GARIN2: variants seen among roughly 807,000 people sequenced by gnomAD.
GARIN2 encodes the protein golgi associated RAB2 interactor family member 2, also known as Golgi-associated RAB2 interactor protein 2.
chr14:67,201,559 C>A, the GARIN2 span: 712 of 455,466 alleles, frequency 1.6e-3, 15 homozygotes, highest in East Asian at 0.017. Flanking sequence ...TTGGAGGATA[C>A]CTCCTGTATG....
the GARIN2 span, among the ~76,000 whole-genome samples, chr14:67,209,177 G>T: frequency 1.3e-5 from 2 of 152,278 alleles, no homozygotes; most frequent in African/African-American, 4.8e-5. Context: ...TATGCACTAG[G>T]CATTGGGGAT....
chr14:67,212,777 G>A, the GARIN2 span, among the ~76,000 whole-genome samples: 1 of 151,680 alleles, frequency 6.6e-6, no homozygotes, highest in Admixed American at 6.6e-5. Flanking sequence ...TATAGGCCAA[G>A]GGAAACAAAG....
the GARIN2 span, among the ~76,000 whole-genome samples, chr14:67,213,716 T>G: frequency 6.6e-6 from 1 of 152,150 alleles, no homozygotes; most frequent in Non-Finnish European, 1.5e-5. Context: ...TATTTCTAGT[T>G]CTAGATCCCT....
At chr14:67,193,371 A>C in the GARIN2 span, among the ~76,000 whole-genome samples, 1 of 132,734 alleles carries the variant, frequency 7.5e-6, no homozygotes, top group African/African-American at 2.6e-5. Flanking sequence ...TAATCTATCT[A>C]TATATCTAGA....
the GARIN2 span, chr14:67,204,787 G>T: frequency 6.2e-7 from 1 of 1,613,946 alleles, no homozygotes; most frequent in Non-Finnish European, 8.5e-7. Flanking sequence ...AGGCTCCATG[G>T]ATGTGACGGA....
chr14:67,189,703 T>G, the GARIN2 span: 6 of 152,320 alleles, frequency 3.9e-5, no homozygotes, highest in African/African-American at 1.4e-4. Context: ...TCTAGTTTCA[T>G]TTCTTCTACC....
At chr14:67,225,593 T>A in the GARIN2 span, among the ~76,000 whole-genome samples, 7,103 of 152,266 alleles carry the variant, frequency 0.047, 185 homozygotes, top group Non-Finnish European at 0.054. Context: ...GCTTTTTAGA[T>A]CAGCCAATAC....
chr14:67,199,294 ACT>A, the GARIN2 span: 6 of 1,605,844 alleles, frequency 3.7e-6, no homozygotes, highest in Non-Finnish European at 5.1e-6. Flanking sequence ...ACATGATCAG[ACT>A]CTATGGGAAG....
At chr14:67,211,076 G>A in the GARIN2 span, among the ~76,000 whole-genome samples, 1 of 152,100 alleles carries the variant, frequency 6.6e-6, no homozygotes, top group Non-Finnish European at 1.5e-5. Flanking sequence ...TATCTCATTA[G>A]CTCTATGATC....
At chr14:67,199,559 C>A in the GARIN2 span, 14 of 1,601,020 alleles carry the variant, frequency 8.7e-6, no homozygotes, top group Non-Finnish European at 1.1e-5. Flanking sequence ...TGGGCAGTAC[C>A]TCTGTAACCA....
chr14:67,204,391 A>T, the GARIN2 span: 2 of 1,153,800 alleles, frequency 1.7e-6, no homozygotes, highest in Non-Finnish European at 2.3e-6. Context: ...GTGAGCCATG[A>T]TCGCATCACC....
the GARIN2 span, chr14:67,225,120 C>A: frequency 6.4e-7 from 1 of 1,559,856 alleles, no homozygotes; most frequent in South Asian, 1.2e-5. Context: ...CCCTCTAGTT[C>A]TCTCCCCTCA....
chr14:67,214,810 C>T, the GARIN2 span, among the ~76,000 whole-genome samples: 1 of 152,088 alleles, frequency 6.6e-6, no homozygotes, highest in African/African-American at 2.4e-5. Flanking sequence ...ATGGAATGTT[C>T]TTCCATTTAT....
the GARIN2 span, among the ~76,000 whole-genome samples, chr14:67,211,427 G>A: frequency 6.6e-6 from 1 of 152,062 alleles, no homozygotes; most frequent in South Asian, 2.1e-4. Context: ...TGAACCTAGA[G>A]GAGAACTGGG....
the GARIN2 span, among the ~76,000 whole-genome samples, chr14:67,213,622 C>T: frequency 6.6e-6 from 1 of 152,082 alleles, no homozygotes; most frequent in Non-Finnish European, 1.5e-5. Context: ...CCACAATAAA[C>T]TTACGTGTGC....
chr14:67,209,413 TGG>T, the GARIN2 span, among the ~76,000 whole-genome samples: 2 of 152,180 alleles, frequency 1.3e-5, no homozygotes, highest in African/African-American at 4.8e-5. Flanking sequence ...TGTGAACCTC[TGG>T]GGGAACAGAG....
At chr14:67,190,175 AAAATGCTGGGATTAC>A in the GARIN2 span, among the ~76,000 whole-genome samples, 1 of 147,204 alleles carries the variant, frequency 6.8e-6, no homozygotes, top group Non-Finnish European at 1.5e-5. Flanking sequence ...TCAGCCTCCC[AAAATGCTGGGATTAC>A]AGGCGTGAGC....
the GARIN2 span, chr14:67,224,642 G>T: frequency 3.4e-6 from 1 of 295,684 alleles, no homozygotes; most frequent in Non-Finnish European, 6.6e-6. Context: ...TTTTTACAGT[G>T]AGCCCAAATT....
the GARIN2 span, among the ~76,000 whole-genome samples, chr14:67,193,375 A>G: frequency 7.4e-6 from 1 of 134,466 alleles, no homozygotes; most frequent in East Asian, 2.2e-4. Context: ...CTATCTATAT[A>G]TCTAGATATA....
Sources: gnomAD v4.1 joint callset for allele counts (sites outside exome capture counted in the v4.1 genomes callset) on GRCh38, gnomAD v4.1.1 for gene constraint, MANE v1.5 for transcripts, NCBI Gene and HGNC (gene_info 2026-07-23, HGNC 2026-07-21) for gene names.